The following ALKAL1 variants were observed in gnomAD, a reference collection of about 807,000 sequenced individuals.
The protein encoded by ALKAL1 is ALK and LTK ligand 1.
In ALKAL1, 23 loss-of-function variants were observed where a neutral mutation model predicts 13.5. The ratio of observed to expected loss-of-function variants is 1.70; its 90% CI spans 1.23 to 2.41. The LOEUF is 2.41. Ranked by LOEUF, ALKAL1 falls within the 30% of genes most tolerant of loss-of-function variation. The pLI is 0.00. For synonymous variants in ALKAL1, 85 were observed against 77.7 expected (o/e 1.09, Z -0.49); for missense variants, 181 against 178.4 (o/e 1.01, Z -0.08).
chr8:52,548,268 G>A (rs1366047923), intron 1 of ALKAL1, among the ~76,000 whole-genome samples: 5 of 151,984 alleles, frequency 3.3e-5, no homozygotes, highest in Non-Finnish European at 5.9e-5. Context: ...GGGGAATCAC[G>A]TGAACCTAGG....
chr8:52,555,491 T>C (rs1017554237), intron 1 of ALKAL1, among the ~76,000 whole-genome samples: 7 of 152,112 alleles, frequency 4.6e-5, no homozygotes, highest in African/African-American at 9.7e-5. Context: ...GTAGCTGAGA[T>C]AGGCAGCAGA....
At chr8:52,544,808 A>C (rs929373928) in intron 1 of ALKAL1, among the ~76,000 whole-genome samples, 32 of 152,258 alleles carry the variant, frequency 2.1e-4, no homozygotes, top group African/African-American at 7.2e-4. Context: ...GCTTGACCAC[A>C]GTAACCACTG....
At chr8:52,560,758 T>G (rs1171926754) in intron 1 of ALKAL1, among the ~76,000 whole-genome samples, 1 of 144,900 alleles carries the variant, frequency 6.9e-6, no homozygotes, top group East Asian at 3.0e-4. Flanking sequence ...TAAGTTAGCT[T>G]TGGCATCTCA....
At chr8:52,555,843 C>T (rs1847477019) in intron 1 of ALKAL1, among the ~76,000 whole-genome samples, 1 of 152,166 alleles carries the variant, frequency 6.6e-6, no homozygotes, top group Non-Finnish European at 1.5e-5. Flanking sequence ...TCCCCTGTGG[C>T]CTTGTGTGGT....
rs144231272 is a variant in ALKAL1, at chr8:52,564,459, T to C, written c.190+608A>G. The stretch of plus-strand genomic sequence containing the variant: ...TCTAGAGCAGCGACTTTTTCCTCCC[T>C]CATTCCTTCCACTCCCCTCGGGCAT... On this transcript the variant is annotated intron_variant, in intron 1 of 4. Coordinates refer to ENST00000358543, the MANE Select transcript of ALKAL1 (RefSeq NM_207413.4). 6.0e-4 allele frequency among the ~76,000 whole-genome samples: 91 copies of C among 152,284 alleles called. 1 individual carries two copies. In the East Asian group the frequency reaches 0.016, roughly 27 times the overall value.
chr8:52,543,317 A>G (rs1248381127), intron 1 of ALKAL1, among the ~76,000 whole-genome samples: 1 of 152,238 alleles, frequency 6.6e-6, no homozygotes, highest in Non-Finnish European at 1.5e-5. Flanking sequence ...ATCCCCCTCT[A>G]GGAGAGTCTG....
chr8:52,553,959 C>T (rs764626892), intron 1 of ALKAL1, among the ~76,000 whole-genome samples: 1 of 152,198 alleles, frequency 6.6e-6, no homozygotes, highest in Non-Finnish European at 1.5e-5. Context: ...TGCAGTGGCT[C>T]ATGCCTGTAA....
At chr8:52,545,696 G>A (rs1383863234) in intron 1 of ALKAL1, among the ~76,000 whole-genome samples, 1 of 152,186 alleles carries the variant, frequency 6.6e-6, no homozygotes, top group Non-Finnish European at 1.5e-5. Flanking sequence ...AGGACCACCT[G>A]AGGCTGTGTC....
chr8:52,552,129 A>G (rs1280341352), intron 1 of ALKAL1, among the ~76,000 whole-genome samples: 2 of 152,088 alleles, frequency 1.3e-5, no homozygotes, highest in Admixed American at 6.5e-5. Flanking sequence ...TAGTCTCTCA[A>G]AATTTCCTTG....
chr8:52,562,636 T>A (rs921409551), intron 1 of ALKAL1, among the ~76,000 whole-genome samples: 1 of 152,110 alleles, frequency 6.6e-6, no homozygotes, highest in African/African-American at 2.4e-5. Context: ...CATCTGCATT[T>A]AGGGAAGTTG....
In ALKAL1 at chr8:52,538,667, A is replaced by T. The variant is rs146291795; in HGVS notation, c.326-160T>A. Among the ~76,000 whole-genome samples, 405 of 152,288 alleles carry T rather than the reference A, an allele frequency of 2.7e-3. 2 individuals are homozygous for T. The highest frequency in any genetic ancestry group is 0.01 in the Middle Eastern group (3 of 294). On this transcript the variant is annotated intron_variant, in intron 3 of 4. Transcript: ENST00000358543. Reference sequence around the variant, plus strand: ...GGATTTTCTCATCAATTCTTTCAATAACACAATCGGGAAGGTGCTATTCCT... The same window carrying T: ...GGATTTTCTCATCAATTCTTTCAATTACACAATCGGGAAGGTGCTATTCCT...
chr8:52,538,103 A>C (rs1225824404), intron 4 of ALKAL1, among the ~76,000 whole-genome samples: 2 of 151,170 alleles, frequency 1.3e-5, no homozygotes, highest in African/African-American at 4.9e-5. Context: ...AAAAAAAAAA[A>C]GGCTAAAGAG....
chr8:52,535,756 T>A (rs1847260806), intron 4 of ALKAL1, among the ~76,000 whole-genome samples: 1 of 152,198 alleles, frequency 6.6e-6, no homozygotes, highest in African/African-American at 2.4e-5. Context: ...TGTGTAATAA[T>A]CACTTTTAAA....
At chr8:52,547,635 C>T (rs913290434) in intron 1 of ALKAL1, among the ~76,000 whole-genome samples, 1 of 152,194 alleles carries the variant, frequency 6.6e-6, no homozygotes, top group Non-Finnish European at 1.5e-5. Flanking sequence ...GGGAGCCACA[C>T]ATGTAATTCT....
At chr8:52,537,226 A>G (rs1847273584) in intron 4 of ALKAL1, among the ~76,000 whole-genome samples, 1 of 152,208 alleles carries the variant, frequency 6.6e-6, no homozygotes, top group African/African-American at 2.4e-5. Context: ...AAAAAATGCT[A>G]AACATCACTA....
intron 4 of ALKAL1, among the ~76,000 whole-genome samples, chr8:52,536,757 T>G (rs965783579): frequency 2.4e-4 from 37 of 152,256 alleles, no homozygotes; most frequent in Admixed American, 2.4e-3. Flanking sequence ...CTAATGCCTA[T>G]CTGCGTAATG....
intron 4 of ALKAL1, among the ~76,000 whole-genome samples, chr8:52,536,120 G>C (rs1847265099): frequency 1.3e-5 from 2 of 152,132 alleles, no homozygotes; most frequent in Admixed American, 6.5e-5. Context: ...TGCATTTTTA[G>C]TAGAGACAGG....
chr8:52,549,893 G>A (rs1847413216), intron 1 of ALKAL1, among the ~76,000 whole-genome samples: 1 of 152,104 alleles, frequency 6.6e-6, no homozygotes, highest in Admixed American at 6.5e-5. Flanking sequence ...AGTGAGCCCA[G>A]GTCACGCCAC....
intron 1 of ALKAL1, among the ~76,000 whole-genome samples, chr8:52,561,479 C>T (rs1485594537): frequency 6.6e-6 from 1 of 152,156 alleles, no homozygotes; most frequent in Non-Finnish European, 1.5e-5. Context: ...GCGTTAAGCA[C>T]AGGCAGAATG....
Sources: gnomAD v4.1 joint callset for allele counts (sites outside exome capture counted in the v4.1 genomes callset) on GRCh38, gnomAD v4.1.1 for gene constraint, MANE v1.5 for transcripts, NCBI Gene and HGNC (gene_info 2026-07-23, HGNC 2026-07-21) for gene names.